Variants in UNC13C observed in about 807,000 individuals in gnomAD.
UNC13C encodes unc-13 homolog C.
UNC13C carries 174 observed loss-of-function variants against 245.4 expected under a neutral mutation model. That is an observed-to-expected ratio of 0.71 (90% confidence interval 0.63 to 0.80). The LOEUF is 0.80. Ranked by LOEUF, UNC13C falls within the 30% of genes least tolerant of loss-of-function variation. The pLI is 0.00. For synonymous variants in UNC13C, 992 were observed against 895.1 expected, an observed-to-expected ratio of 1.11 and a Z score of -1.93; for missense variants, 2,829 against 2,602.9, an observed-to-expected ratio of 1.09 and a Z score of -1.89.
At chr15:54,158,664 T>G (rs2032852968) in intron 4 of UNC13C, among the ~76,000 whole-genome samples, 1 of 151,900 alleles carries the variant, frequency 6.6e-6, no homozygotes, top group Non-Finnish European at 1.5e-5. Flanking sequence ...TTTTTTAAAC[T>G]TTTTAGAAAT....
chr15:54,148,595 A>G (rs960276904), intron 4 of UNC13C, among the ~76,000 whole-genome samples: 35 of 152,200 alleles, frequency 2.3e-4, no homozygotes, highest in African/African-American at 8.0e-4. Flanking sequence ...CATAGAAGAT[A>G]AAGTTGTTCC....
intron 4 of UNC13C, among the ~76,000 whole-genome samples, chr15:54,178,448 A>G (rs915732522): frequency 6.6e-6 from 1 of 152,184 alleles, no homozygotes; most frequent in African/African-American, 2.4e-5. Flanking sequence ...AAATTAAAAA[A>G]CAAAGAAAAT....
At chr15:53,870,639 C>T in the UNC13C span, among the ~76,000 whole-genome samples, 1 of 152,144 alleles carries the variant, frequency 6.6e-6, no homozygotes, top group Non-Finnish European at 1.5e-5. Flanking sequence ...GAGACTACGT[C>T]CTAACTCATA....
At chr15:54,089,189 A>T (rs1284222081) in intron 2 of UNC13C, among the ~76,000 whole-genome samples, 1 of 152,140 alleles carries the variant, frequency 6.6e-6, no homozygotes, top group African/African-American at 2.4e-5. Flanking sequence ...TGTGTGTGTA[A>T]CATGGAGTTA....
intron 30 of UNC13C, among the ~76,000 whole-genome samples, chr15:54,606,782 C>T (rs955543022): frequency 2.6e-5 from 4 of 152,112 alleles, no homozygotes; most frequent in African/African-American, 7.2e-5. Flanking sequence ...GGTGTCAAAC[C>T]CTCTGCTGTG....
chr15:54,269,160 C>G (rs2036622913), intron 10 of UNC13C, among the ~76,000 whole-genome samples: 1 of 152,006 alleles, frequency 6.6e-6, no homozygotes, highest in Admixed American at 6.6e-5. Context: ...TGGAAAACTC[C>G]CTCAAGGCAA....
chr15:54,178,895 G>A (rs565941240), intron 4 of UNC13C, among the ~76,000 whole-genome samples: 4 of 152,126 alleles, frequency 2.6e-5, no homozygotes, highest in Non-Finnish European at 5.9e-5. Flanking sequence ...CAAACACATA[G>A]TTTATCATCT....
At position 54,237,710 on chromosome 15, in the gene UNC13C, C is replaced by T. The variant is rs991917836; in HGVS notation, c.3228+20C>T. The T allele has an allele frequency of 1.3e-6, 2 of 1,552,508 alleles. No homozygotes were observed. The highest frequency in any genetic ancestry group is 1.1e-5 in the South Asian group (1 of 87,050). ...GAACTGGTAAGTACTAGATATTGCTCATAATATCTAACTAGATATTGCTCA... is the reference window on the plus strand; with the variant it reads ...GAACTGGTAAGTACTAGATATTGCTTATAATATCTAACTAGATATTGCTCA... On this transcript the variant is annotated intron_variant, in intron 7 of 32. Transcript: ENST00000260323.
At chr15:54,411,352 A>G (rs1035817709) in intron 18 of UNC13C, among the ~76,000 whole-genome samples, 3 of 152,100 alleles carry the variant, frequency 2.0e-5, no homozygotes, top group Non-Finnish European at 4.4e-5. Context: ...ATGAAGTTCA[A>G]TTTATCAATA....
chr15:54,038,180 GGT>G (rs1896672063), intron 2 of UNC13C, among the ~76,000 whole-genome samples: 1 of 134,760 alleles, frequency 7.4e-6, no homozygotes, highest in Middle Eastern at 4.0e-3. Flanking sequence ...GGAGTACAGT[GGT>G]GTGACCTTGG....
intron 17 of UNC13C, among the ~76,000 whole-genome samples, chr15:54,373,380 A>G (rs1314330632): frequency 1.3e-5 from 2 of 152,164 alleles, no homozygotes; most frequent in Non-Finnish European, 2.9e-5. Context: ...GGCTTGTGCT[A>G]CTGGCCTGGA....
At chr15:54,163,347 G>T (rs895186828) in intron 4 of UNC13C, among the ~76,000 whole-genome samples, 26 of 152,178 alleles carry the variant, frequency 1.7e-4, no homozygotes, top group Non-Finnish European at 2.9e-5. Context: ...GCCAGATGGC[G>T]CAGAGCCTTG....
At chr15:54,116,035 C>T (rs2030220550) in intron 2 of UNC13C, among the ~76,000 whole-genome samples, 2 of 151,948 alleles carry the variant, frequency 1.3e-5, no homozygotes, top group South Asian at 4.1e-4. Flanking sequence ...TAAAATTTAC[C>T]ATCCACATCA....
chr15:54,194,301 T>A (rs943798940), intron 4 of UNC13C, among the ~76,000 whole-genome samples: 5 of 152,118 alleles, frequency 3.3e-5, no homozygotes, highest in Admixed American at 3.3e-4. Context: ...ATCTCTTGTT[T>A]TCCCTGATGT....
rs1355797166 is a variant in UNC13C, at chr15:54,338,470, A to G, written c.4694A>G (p.Tyr1565Cys). The change falls in exon 17 of 33, where the codon TAC becomes TGC. Residue 1565 changes from tyrosine to cysteine, a missense_variant. By Grantham distance (194) the Tyr-to-Cys change is radical. Transcript: ENST00000260323. ...KYIFDNCHEL[Y>C]SQLTDPSKKQ... ...ATTTTTGACAACTGCCATGAACTCTACTCCCAGCTAACAGACCCGGTAAGA... is the reference window on the plus strand; with the variant it reads ...ATTTTTGACAACTGCCATGAACTCTGCTCCCAGCTAACAGACCCGGTAAGA... 2.5e-6 allele frequency: 4 copies of G among 1,612,930 alleles called. No homozygotes were observed. In the African/African-American group the frequency reaches 4.0e-5, roughly 16 times the overall value.
intron 29 of UNC13C, among the ~76,000 whole-genome samples, chr15:54,559,350 C>T (rs1486112256): frequency 6.6e-6 from 1 of 151,998 alleles, no homozygotes; most frequent in Non-Finnish European, 1.5e-5. Context: ...CTGCCCTATC[C>T]TGCTATCTCC....
intron 20 of UNC13C, among the ~76,000 whole-genome samples, chr15:54,498,798 T>G (rs929928622): frequency 6.6e-6 from 1 of 152,166 alleles, no homozygotes; most frequent in Non-Finnish European, 1.5e-5. Flanking sequence ...TGCATTATTA[T>G]AAAGATAGCA....
chr15:54,408,756 T>TA (rs1223447001), intron 18 of UNC13C, among the ~76,000 whole-genome samples: 3 of 152,206 alleles, frequency 2.0e-5, no homozygotes, highest in Admixed American at 6.5e-5. Context: ...TTCACACATA[T>TA]AAACATAGAA....
In UNC13C at chr15:54,015,484, G is replaced by A. The variant is rs770528146; in HGVS notation, c.2581G>A (p.Ala861Thr). ...DVYTEPYYYK[A>T]EDEEDYTEPV... ...CTACACGGAGCCCTATTACTATAAA[G>A]CAGAGGATGAGGAAGATTATACTGA... is the stretch of plus-strand genomic sequence containing the variant. Residue 861 changes from alanine to threonine, a missense_variant, in exon 2 of 33, where the codon GCA (alanine) becomes ACA (threonine). Coordinates refer to ENST00000260323, the MANE Select transcript of UNC13C (RefSeq NM_001080534.3). 3 of 1,613,052 alleles carry A rather than the reference G, an allele frequency of 1.9e-6. No individual in the cohort carries two copies. In the East Asian group the frequency reaches 6.7e-5, roughly 36 times the overall value.
Sources: gnomAD v4.1 joint callset for allele counts (sites outside exome capture counted in the v4.1 genomes callset) on GRCh38, gnomAD v4.1.1 for gene constraint, MANE v1.5 for transcripts, NCBI Gene and HGNC (gene_info 2026-07-23, HGNC 2026-07-21) for gene names.